PHACTR1: variants seen among roughly 807,000 people sequenced by gnomAD.
PHACTR1 encodes RPEL repeat containing 1.
Under a neutral mutation model 69.2 loss-of-function variants are expected in PHACTR1, and 16 were observed. The observed-to-expected ratio is 0.23, with a 90% CI of 0.16 to 0.35. The LOEUF (loss-of-function observed/expected upper bound fraction) is 0.35. Among genes scored for constraint, PHACTR1 ranks in the 10% least tolerant of loss-of-function variants. PHACTR1 has a pLI of 1.00. For synonymous variants in PHACTR1, 312 were observed against 284.5 expected (o/e 1.10, Z -0.97); for missense variants, 510 against 734.7 (o/e 0.69, Z 3.54).
chr6:12,842,233 G>T (rs1778769736), intron 4 of PHACTR1, among the ~76,000 whole-genome samples: 1 of 152,080 alleles, frequency 6.6e-6, no homozygotes, highest in Non-Finnish European at 1.5e-5. Flanking sequence ...GCATTATTCA[G>T]ATACAGTTAA....
At chr6:12,885,858 G>C (rs1051437474) in intron 4 of PHACTR1, among the ~76,000 whole-genome samples, 1 of 152,198 alleles carries the variant, frequency 6.6e-6, no homozygotes, top group Non-Finnish European at 1.5e-5. Context: ...ACTTTGGGAG[G>C]CCGAGGCGGG....
intron 5 of PHACTR1, among the ~76,000 whole-genome samples, chr6:13,059,949 C>T (rs896954729): frequency 6.6e-6 from 1 of 151,830 alleles, no homozygotes; most frequent in African/African-American, 2.4e-5. Context: ...GAAACAAGAA[C>T]AAAATGGAAA....
intron 4 of PHACTR1, among the ~76,000 whole-genome samples, chr6:12,985,630 A>G (rs777526529): frequency 1.3e-4 from 19 of 151,118 alleles, no homozygotes; most frequent in Non-Finnish European, 2.7e-4. Flanking sequence ...TATTTTTTAT[A>G]AAGGCCAAAA....
At chr6:12,985,259 C>T (rs1034977299) in intron 4 of PHACTR1, among the ~76,000 whole-genome samples, 1 of 117,198 alleles carries the variant, frequency 8.5e-6, no homozygotes, top group Admixed American at 7.5e-5. Context: ...TCAATTTTCT[C>T]GAACCATAGG....
chr6:13,092,195 G>A (rs7775760), intron 5 of PHACTR1, among the ~76,000 whole-genome samples: 123,377 of 152,066 alleles, frequency 0.81, 50,207 homozygotes, highest in East Asian at 0.93. Flanking sequence ...AATATAGATG[G>A]CGCTTCACTC....
intron 5 of PHACTR1, among the ~76,000 whole-genome samples, chr6:13,102,233 G>A (rs1047076369): frequency 6.6e-6 from 1 of 152,142 alleles, no homozygotes; most frequent in African/African-American, 2.4e-5. Context: ...TGATTGGGCT[G>A]GAGGAAAAAC....
At chr6:12,965,269 T>A (rs1217840903) in intron 4 of PHACTR1, among the ~76,000 whole-genome samples, 1 of 152,132 alleles carries the variant, frequency 6.6e-6, no homozygotes, top group Non-Finnish European at 1.5e-5. Flanking sequence ...TTTTGCAAAA[T>A]TTGCCTACTC....
intron 4 of PHACTR1, among the ~76,000 whole-genome samples, chr6:12,860,132 CCTATTG>C (rs1484957735): frequency 6.6e-6 from 1 of 152,088 alleles, no homozygotes; most frequent in East Asian, 1.9e-4. Flanking sequence ...AGGTATTTCT[CCTATTG>C]CTATCCCTCC....
At chr6:12,983,875 AT>A (rs1187072797) in intron 4 of PHACTR1, among the ~76,000 whole-genome samples, 1 of 152,156 alleles carries the variant, frequency 6.6e-6, no homozygotes, top group East Asian at 1.9e-4. Context: ...AGGACATGAA[AT>A]CATCCTTTTT....
At chr6:12,898,730 C>T (rs567650287) in intron 4 of PHACTR1, among the ~76,000 whole-genome samples, 1 of 152,314 alleles carries the variant, frequency 6.6e-6, no homozygotes, top group African/African-American at 2.4e-5. Flanking sequence ...TCTCTGTCGG[C>T]CGCAATCTGT....
chr6:12,853,782 A>G lies in PHACTR1; in HGVS notation c.250+103992A>G, dbSNP rs1780060283. On this transcript the variant is annotated intron_variant, in intron 4 of 14. Transcript: ENST00000332995. ...CAGGATGGGGGAAACTGCCCCCCTG[A>G]TTCAGTTATCTCTACCTGGTCCCTC... Among the ~76,000 whole-genome samples the G allele has an allele frequency of 1.3e-5, 2 of 152,174 alleles. 1 individual carries two copies. Among genetic ancestry groups the G allele is most frequent in the Admixed American group, 1.3e-4 (2 of 15,268 alleles).
At chr6:12,787,838 G>A (rs1043696421) in intron 4 of PHACTR1, among the ~76,000 whole-genome samples, 2 of 152,140 alleles carry the variant, frequency 1.3e-5, no homozygotes, top group Non-Finnish European at 2.9e-5. Flanking sequence ...GGCACTTGGG[G>A]CCATACCTAA....
intron 4 of PHACTR1, among the ~76,000 whole-genome samples, chr6:13,045,048 C>G (rs969534841): frequency 6.6e-6 from 1 of 152,172 alleles, no homozygotes; most frequent in African/African-American, 2.4e-5. Flanking sequence ...CTCATTTCCT[C>G]CCTCATCCCT....
At chr6:12,994,337 GA>G (rs1210147177) in intron 4 of PHACTR1, among the ~76,000 whole-genome samples, 2 of 152,152 alleles carry the variant, frequency 1.3e-5, no homozygotes, top group Non-Finnish European at 2.9e-5. Flanking sequence ...CCCCCTTGGA[GA>G]AGTTAAATCC....
At chr6:13,117,920 C>G (rs1336371493) in intron 5 of PHACTR1, among the ~76,000 whole-genome samples, 2 of 152,144 alleles carry the variant, frequency 1.3e-5, no homozygotes, top group Non-Finnish European at 2.9e-5. Context: ...CAACCACACC[C>G]TCTCCACTCA....
intron 8 of PHACTR1, among the ~76,000 whole-genome samples, chr6:13,214,682 A>C (rs1448038771): frequency 6.6e-6 from 1 of 152,226 alleles, no homozygotes; most frequent in East Asian, 1.9e-4. Flanking sequence ...ATGCGGGTAC[A>C]TTCTAGACGG....
rs547015250 is a variant in PHACTR1, at chr6:12,912,529, A to G, written c.251-140836A>G. ...TGCTTGGTATAAAAGTAAACATGCA[A>G]GGGATGTAGATGTTACTCACGTTGG... On this transcript the variant is annotated intron_variant, in intron 4 of 14. Coordinates refer to ENST00000332995, the MANE Select transcript of PHACTR1 (RefSeq NM_030948.6). 4.4e-4 allele frequency among the ~76,000 whole-genome samples: 67 copies of G among 152,338 alleles called. 1 individual carries two copies. The highest frequency in any genetic ancestry group is 1.4e-3 in the Admixed American group (21 of 15,306).
intron 4 of PHACTR1, among the ~76,000 whole-genome samples, chr6:12,872,805 T>G (rs1403791951): frequency 6.6e-6 from 1 of 152,218 alleles, no homozygotes; most frequent in African/African-American, 2.4e-5. Flanking sequence ...CAAATCCTTG[T>G]GCCATCAACC....
intron 4 of PHACTR1, among the ~76,000 whole-genome samples, chr6:12,777,033 T>C (rs1011995907): frequency 1.3e-5 from 2 of 152,158 alleles, no homozygotes; most frequent in African/African-American, 4.8e-5. Flanking sequence ...TTAGAAATTT[T>C]CAATTGTCCC....
Sources: allele counts gnomAD v4.1 joint callset (sites outside exome capture counted in the v4.1 genomes callset), GRCh38; gene constraint gnomAD v4.1.1; transcripts MANE v1.5; gene names NCBI Gene and HGNC (gene_info 2026-07-23, HGNC 2026-07-21).